Variants in PTK2B observed in about 807,000 individuals in gnomAD.
The protein encoded by PTK2B is protein tyrosine kinase 2 beta.
PTK2B carries 71 observed loss-of-function variants against 142.9 expected under a neutral mutation model. The observed-to-expected ratio is 0.50, with a 90% confidence interval of 0.41 to 0.61. The LOEUF (loss-of-function observed/expected upper bound fraction) is 0.61, where lower values mean the gene tolerates loss of function less well. PTK2B is among the 20% of genes least tolerant of loss of function. The probability of loss-of-function intolerance (pLI) is 0.00; values close to 1 mark genes in which losing one functional copy is unlikely to be tolerated. For missense variants in PTK2B, 1,105 were observed against 1,320.4 expected, an observed-to-expected ratio of 0.84 and a Z score of 2.53; for synonymous variants, 519 against 503.4, an observed-to-expected ratio of 1.03 and a Z score of -0.42.
chr8:27,374,824 C>T (rs1806569937), intron 1 of PTK2B, among the ~76,000 whole-genome samples: 1 of 152,230 alleles, frequency 6.6e-6, no homozygotes, highest in African/African-American at 2.4e-5. Context: ...ATTACAAAGC[C>T]TGGCCCACAT....
Position 27,436,410 on chromosome 8 carries a change from C to T in PTK2B, c.1341+62C>T, listed in dbSNP as rs755017320. 2.4e-5 allele frequency: 36 copies of T among 1,503,260 alleles called. No individual in the cohort carries two copies. The East Asian group carries it at 5.9e-4, about 25-fold the overall frequency. The allele number at this position is 1,503,260 out of a possible 1,614,324, so 93.1% of individuals were successfully genotyped here. Reference sequence around the variant, plus strand: ...CATGTCTGTAGGGTGAGACAGAGCTCGAATCTGAGCAGGTTGGAGTTGGCA... The same window carrying T: ...CATGTCTGTAGGGTGAGACAGAGCTTGAATCTGAGCAGGTTGGAGTTGGCA... On this transcript the variant is annotated intron_variant, in intron 15 of 30. Transcript: ENST00000346049.
At chr8:27,326,090 C>A (rs971140935) in intron 1 of PTK2B, among the ~76,000 whole-genome samples, 13 of 152,062 alleles carry the variant, frequency 8.5e-5, no homozygotes, top group African/African-American at 3.1e-4. Flanking sequence ...TTCCGCAGCC[C>A]CAGGGGTTAT....
chr8:27,451,522 G>A lies in PTK2B; in HGVS notation c.2548+13G>A, dbSNP rs750770394. 3.5e-5 allele frequency: 56 copies of A among 1,613,950 alleles called. No individual in the cohort carries two copies. Among genetic ancestry groups the A allele is most frequent in the East Asian group, 6.7e-5 (3 of 44,886 alleles). On this transcript the variant is annotated intron_variant, in intron 27 of 30. Transcript: ENST00000346049. ...GAGGTCGGCTACCGTGAGTGTTCCC[G>A]CCCTTCTTCGGGGGGTTTCCTCTTG...
chr8:27,327,594 A>C (rs1163550132), intron 1 of PTK2B, among the ~76,000 whole-genome samples: 1 of 152,312 alleles, frequency 6.6e-6, no homozygotes, highest in East Asian at 1.9e-4. Context: ...CTGCCCAGGC[A>C]CTCTGAGAAC....
At position 27,419,897 on chromosome 8, in the gene PTK2B, GATC is replaced by G; in HGVS notation, c.212_214del (p.Ile71del). On this transcript the variant is annotated inframe_deletion, in exon 3 of 31. Transcript: ENST00000346049. Reference sequence around the variant, plus strand: ...TGCCTCTCTCTTCTCCTCTGCAGGAGATCATCACCTCCATCCTGCTGAGCGGGC... The same window carrying G: ...TGCCTCTCTCTTCTCCTCTGCAGGAGATCACCTCCATCCTGCTGAGCGGGC... The G allele has an allele frequency of 6.2e-7, 1 of 1,614,134 alleles. No homozygotes were observed. The highest frequency in any genetic ancestry group is 8.5e-7 in the Non-Finnish European group (1 of 1,180,020).
rs78337507 is a variant in PTK2B, at chr8:27,397,079, G to A, written c.-37-469G>A. On this transcript the variant is annotated intron_variant, in intron 1 of 30. Coordinates refer to ENST00000346049, the MANE Select transcript of PTK2B (RefSeq NM_173176.3). ...CTGCCTTCTCCATTCCCATTCCCTCGGGGCCACTTCTTCTCCAATCTGTTT... is the reference window on the plus strand; with the variant it reads ...CTGCCTTCTCCATTCCCATTCCCTCAGGGCCACTTCTTCTCCAATCTGTTT... Among the ~76,000 whole-genome samples, 592 of 152,262 alleles carry A rather than the reference G, an allele frequency of 3.9e-3. 10 individuals are homozygous for A. The highest frequency in any genetic ancestry group is 0.036 in the East Asian group (185 of 5,176).
chr8:27,357,417 T>G (rs1805450813), intron 1 of PTK2B, among the ~76,000 whole-genome samples: 1 of 152,234 alleles, frequency 6.6e-6, no homozygotes, highest in Admixed American at 6.5e-5. Context: ...TCTCATGATC[T>G]TGTAGGATAG....
chr8:27,352,972 C>T (rs944754999), intron 1 of PTK2B, among the ~76,000 whole-genome samples: 5 of 152,160 alleles, frequency 3.3e-5, no homozygotes, highest in African/African-American at 4.8e-5. Flanking sequence ...AGAACTGTAG[C>T]ATTTTACATA....
intron 1 of PTK2B, among the ~76,000 whole-genome samples, chr8:27,331,564 A>G (rs1803751273): frequency 6.6e-6 from 1 of 151,762 alleles, no homozygotes; most frequent in Admixed American, 6.6e-5. Flanking sequence ...TTTTCTTTCT[A>G]CAACCTCTAC....
downstream of PTK2B, chr8:27,459,389 T>C (rs1043468564): frequency 8.6e-5 from 20 of 232,618 alleles, no homozygotes; most frequent in Non-Finnish European, 1.4e-4. Context: ...CCATTTGCTT[T>C]GCGGTTTGTT....
chr8:27,388,489 T>G (rs1216268100), intron 1 of PTK2B, among the ~76,000 whole-genome samples: 1 of 152,192 alleles, frequency 6.6e-6, no homozygotes, highest in African/African-American at 2.4e-5. Flanking sequence ...ATTGTTGTCT[T>G]GAAGTACTGG....
chr8:27,409,614 T>C (rs1218880195), intron 2 of PTK2B, among the ~76,000 whole-genome samples: 1 of 152,184 alleles, frequency 6.6e-6, no homozygotes, highest in South Asian at 2.1e-4. Context: ...TTGGGTCTTA[T>C]CTGATTGTAC....
intron 1 of PTK2B, among the ~76,000 whole-genome samples, chr8:27,358,617 CTTTGTCT>C (rs1805522153): frequency 2.0e-5 from 3 of 152,146 alleles, no homozygotes; most frequent in Admixed American, 2.0e-4. Context: ...GTCTAAGTGT[CTTTGTCT>C]TTTAACAGGC....
At chr8:27,311,313 C>G (rs1055660545), upstream of PTK2B, 10 of 1,427,928 alleles carry the variant, frequency 7.0e-6, no homozygotes, top group Admixed American at 2.8e-5. Flanking sequence ...CGCCCGCGAC[C>G]CGAGTGCTGG....
At chr8:27,430,730 T>G in intron 7 of PTK2B, 146 bp from the exon 8 acceptor site, 3 of 1,222,982 alleles carry the variant, frequency 2.5e-6, no homozygotes, top group East Asian at 2.4e-5. Flanking sequence ...GGGTATGGGT[T>G]TTAGGTCATA....
chr8:27,319,439 G>A (rs1448223802), intron 3 of PTK2B, among the ~76,000 whole-genome samples: 2 of 151,180 alleles, frequency 1.3e-5, no homozygotes, highest in African/African-American at 2.4e-5. Context: ...TCAGGAGATC[G>A]AGACTGTCCG....
intron 16 of PTK2B, 34 bp downstream of exon 16, chr8:27,437,240 A>G (rs1437237399): frequency 6.3e-7 from 1 of 1,588,802 alleles, no homozygotes; most frequent in Middle Eastern, 1.7e-4. Context: ...GGCCTCCAAG[A>G]TGGGAGGGGC....
chr8:27,332,471 A>G (rs1416794234), intron 1 of PTK2B, among the ~76,000 whole-genome samples: 2 of 152,152 alleles, frequency 1.3e-5, no homozygotes, highest in African/African-American at 2.4e-5. Flanking sequence ...CAAGTGATAG[A>G]ACCTCTCTGA....
chr8:27,312,888 G>C (rs1392724655), intron 2 of PTK2B, among the ~76,000 whole-genome samples: 1 of 152,202 alleles, frequency 6.6e-6, no homozygotes, highest in African/African-American at 2.4e-5. Context: ...CCCCATACCT[G>C]TTAGGGGTAG....
Sources: allele counts gnomAD v4.1 joint callset (sites outside exome capture counted in the v4.1 genomes callset), GRCh38; gene constraint gnomAD v4.1.1; transcripts MANE v1.5; gene names NCBI Gene and HGNC (gene_info 2026-07-23, HGNC 2026-07-21).